Variants in CR1 observed in about 807,000 individuals in gnomAD.
CR1 encodes the protein complement receptor type 1.
Under a neutral mutation model 187.3 loss-of-function variants are expected in CR1, and 116 were observed. The ratio of observed to expected loss-of-function variants is 0.62; its 90% CI spans 0.53 to 0.72. The LOEUF (loss-of-function observed/expected upper bound fraction) is 0.72. CR1 is among the 30% of genes least tolerant of loss of function. The pLI is 0.00. For missense variants in CR1, 1,731 were observed against 2,110.7 expected (o/e 0.82, Z 3.52); for synonymous variants, 576 against 747.1 (o/e 0.77, Z 3.73).
chr1:207,516,669 TTAA>T (rs1417823504), intron 4 of CR1, among the ~76,000 whole-genome samples: 5 of 152,212 alleles, frequency 3.3e-5, no homozygotes, highest in Non-Finnish European at 7.3e-5. Flanking sequence ...TTAATTTCTT[TTAA>T]TAATATTTGT....
In CR1 at chr1:207,567,850, A is replaced by G. The variant is rs368350236; in HGVS notation, c.3979A>G (p.Ile1327Val). 45 of 1,610,942 alleles carry G rather than the reference A, an allele frequency of 2.8e-5. No homozygotes were observed. In the Middle Eastern group the frequency reaches 9.9e-4, roughly 35 times the overall value. ...AATCTTTTGTCCAAGTCCTCCAGTT[A>G]TTCCTAATGGGAGACACACAGGAAA... ...EQIFCPSPPV[I>V]PNGRHTGKPL... The change falls in exon 25 of 47, where the codon ATT (isoleucine) becomes GTT (valine). Residue 1327 changes from isoleucine to valine, a missense_variant. Transcript: ENST00000367049.
intron 3 of CR1, among the ~76,000 whole-genome samples, chr1:207,510,048 A>G (rs1659564402): frequency 1.3e-5 from 2 of 152,156 alleles, no homozygotes; most frequent in Admixed American, 1.3e-4. Flanking sequence ...TTCTACTAAA[A>G]ATGCAAAAAT....
chr1:207,590,757 A>T (rs561620635), intron 35 of CR1, among the ~76,000 whole-genome samples: 2 of 152,198 alleles, frequency 1.3e-5, no homozygotes, highest in African/African-American at 2.4e-5. Flanking sequence ...AAATAAAGGG[A>T]TGGAGGAATA....
Position 207,585,608 on chromosome 1 carries a change from T to A in CR1, c.5530+732T>A, listed in dbSNP as rs530638532. ...TAGGGATGTGGCACCAGCCTTGGAA[T>A]ATTCCATTATCCACAGGGAAGCCCT... On this transcript the variant is annotated intron_variant, in intron 33 of 46. Transcript: ENST00000367049. 2.4e-4 allele frequency among the ~76,000 whole-genome samples: 36 copies of A among 152,320 alleles called. 1 individual carries two copies. In the South Asian group the frequency reaches 7.5e-3, roughly 32 times the overall value.
chr1:207,500,833 G>T (rs997286957), intron 1 of CR1, among the ~76,000 whole-genome samples: 5 of 152,132 alleles, frequency 3.3e-5, no homozygotes, highest in Admixed American at 1.3e-4. Flanking sequence ...TAGCAGTTTT[G>T]TTTGTAATAG....
chr1:207,525,827 A>T (rs2102310442), intron 5 of CR1, among the ~76,000 whole-genome samples: 1 of 152,108 alleles, frequency 6.6e-6, no homozygotes, highest in Non-Finnish European at 1.5e-5. Flanking sequence ...AGCCCTGAAA[A>T]TGGACATTAC....
intron 4 of CR1, among the ~76,000 whole-genome samples, chr1:207,520,365 C>T (rs181859444): frequency 5.9e-5 from 9 of 152,344 alleles, no homozygotes; most frequent in Non-Finnish European, 1.0e-4. Flanking sequence ...GTGACCACCT[C>T]TCAGTCGCAG....
At chr1:207,504,668 GA>G (rs1388707979) in intron 1 of CR1, among the ~76,000 whole-genome samples, 1 of 152,182 alleles carries the variant, frequency 6.6e-6, no homozygotes, top group Non-Finnish European at 1.5e-5. Context: ...ACTAAATTTT[GA>G]AGCTGTGAAA....
intron 42 of CR1, among the ~76,000 whole-genome samples, chr1:207,619,376 CAAA>C (rs67078800): frequency 1.3e-4 from 12 of 92,634 alleles, no homozygotes; most frequent in Admixed American, 1.1e-4. Context: ...CAGTGAGACT[CAAA>C]AAAAAAAAAA....
rs979356301 is a variant in CR1 at position 207,565,172 on chromosome 1, T to A, written c.3867-666T>A. Among the ~76,000 whole-genome samples the A allele has an allele frequency of 2.7e-4, 40 of 149,996 alleles. 1 individual carries two copies. The highest frequency in any genetic ancestry group is 2.2e-3 in the Admixed American group (33 of 15,200). On this transcript the variant is annotated intron_variant, in intron 23 of 46. Coordinates refer to ENST00000367049, the MANE Select transcript of CR1 (RefSeq NM_000651.6). ...ATGGGCAACAAAGCACCTGATCCCA[T>A]AATGTAACACAGAATCTTGGCAGCC...
chr1:207,544,813 G>A (rs1257905355), intron 13 of CR1, among the ~76,000 whole-genome samples: 1 of 137,258 alleles, frequency 7.3e-6, no homozygotes, highest in Non-Finnish European at 1.5e-5. Context: ...AGACTTGAAA[G>A]GAGATGAGCA....
intron 4 of CR1, among the ~76,000 whole-genome samples, chr1:207,522,093 T>C (rs1660016647): frequency 6.6e-6 from 1 of 152,206 alleles, no homozygotes; most frequent in Non-Finnish European, 1.5e-5. Flanking sequence ...TCCAAATATC[T>C]GGTTATCTTT....
intron 35 of CR1, among the ~76,000 whole-genome samples, chr1:207,601,059 AG>A (rs1274318132): frequency 1.3e-5 from 2 of 152,102 alleles, no homozygotes; most frequent in Non-Finnish European, 2.9e-5. Flanking sequence ...CATATATAAA[AG>A]GCTGCTGGAG....
chr1:207,580,681 A>G (rs991404886), intron 31 of CR1, 68 bp downstream of exon 31: 3 of 1,402,658 alleles, frequency 2.1e-6, no homozygotes, highest in African/African-American at 1.4e-5. Context: ...TTAAGGATCA[A>G]TCCAAAAAGA....
At chr1:207,607,155 C>A in intron 35 of CR1, 96 bp from the exon 36 acceptor site, 2 of 953,294 alleles carry the variant, frequency 2.1e-6, no homozygotes, top group Middle Eastern at 2.1e-4. Flanking sequence ...GTAATCTGTC[C>A]TGTAATGTCT....
At chr1:207,518,475 T>C (rs1412339917) in intron 4 of CR1, among the ~76,000 whole-genome samples, 1 of 152,230 alleles carries the variant, frequency 6.6e-6, no homozygotes, top group Non-Finnish European at 1.5e-5. Flanking sequence ...CTGTATTAGT[T>C]TCCCAGGGCT....
intron 37 of CR1, among the ~76,000 whole-genome samples, chr1:207,611,072 C>A (rs1381998530): frequency 3.3e-5 from 5 of 151,950 alleles, no homozygotes; most frequent in Admixed American, 2.0e-4. Context: ...TCCCCACCTC[C>A]CCTCCCTACC....
Position 207,578,165 on chromosome 1 carries a change from T to C in CR1, c.4898T>C (p.Leu1633Pro). The C allele has an allele frequency of 6.2e-7, 1 of 1,611,860 alleles. No individual in the cohort carries two copies. The highest frequency in any genetic ancestry group is 2.2e-5 in the East Asian group (1 of 44,888). Reference sequence around the variant, plus strand: ...CCCCGCCGTGTGAAGTGCCAGGCCCTGAACAAATGGGAGCCAGAGTTACCA... The same window carrying C: ...CCCCGCCGTGTGAAGTGCCAGGCCCCGAACAAATGGGAGCCAGAGTTACCA... ...KGPRRVKCQA[L>P]NKWEPELPSC... The change falls in exon 29 of 47, where the codon CTG (leucine) becomes CCG (proline). Residue 1633 changes from leucine to proline, a missense_variant. Around this residue, in one of 5 missense-constraint regions of CR1, gnomAD observed 1,312 missense variants for 1,379.6 expected, o/e 0.95. Transcript: ENST00000367049.
At chr1:207,510,612 A>G (rs1462661992) in intron 3 of CR1, among the ~76,000 whole-genome samples, 1 of 152,202 alleles carries the variant, frequency 6.6e-6, no homozygotes, top group Non-Finnish European at 1.5e-5. Flanking sequence ...GCACACTGTG[A>G]ACAGTTTGAG....
Sources: gnomAD v4.1 joint callset for allele counts (sites outside exome capture counted in the v4.1 genomes callset) on GRCh38, gnomAD v4.1.1 for gene constraint, gnomAD v4.1.1 regional missense constraint, MANE v1.5 for transcripts, NCBI Gene and HGNC (gene_info 2026-07-23, HGNC 2026-07-21) for gene names.